The following UBTD1 variants were observed in gnomAD, a reference collection of about 807,000 sequenced individuals.
The protein encoded by UBTD1 is ubiquitin domain-containing protein 1.
A neutral mutation model predicts 21.7 loss-of-function variants in UBTD1; 19 were observed. The observed-to-expected ratio is 0.87, with a 90% CI of 0.61 to 1.28. UBTD1 has a LOEUF of 1.28. Among genes scored for constraint, UBTD1 ranks in the 50% most tolerant of loss-of-function variants. The pLI, the probability that UBTD1 is intolerant of heterozygous loss-of-function variation, is 0.00. For missense variants in UBTD1, 282 were observed against 315.1 expected (o/e 0.89, Z 0.80); for synonymous variants, 116 against 135.1 (o/e 0.86, Z 0.98).
intron 1 of UBTD1, among the ~76,000 whole-genome samples, chr10:97,515,382 A>G (rs1475561608): frequency 6.6e-6 from 1 of 152,180 alleles, no homozygotes; most frequent in East Asian, 1.9e-4. Flanking sequence ...GTTTTTCTTC[A>G]TTCAGCAAGT....
chr10:97,567,494 A>G (rs1023431198), intron 1 of UBTD1, among the ~76,000 whole-genome samples: 2 of 151,084 alleles, frequency 1.3e-5, no homozygotes, highest in African/African-American at 2.4e-5. Flanking sequence ...CCCCATCTCT[A>G]CTAAAAATAC....
In UBTD1 at chr10:97,499,255, C is replaced by A. The variant is rs1208299275; in HGVS notation, c.52C>A (p.His18Asn). ...CCGGGAGAGGCCGGCAGCCCCGGGA[C>A]ACCCCCGCAAGCGAGCAGGTAACGA... ...QRRERPAAPG[H>N]PRKRAGRNEP... Residue 18 changes from histidine (H) to asparagine (N), a missense_variant, in exon 1 of 3, where the codon CAC (histidine) becomes AAC (asparagine). By Grantham distance (68) the His-to-Asn change is moderately conservative. Transcript: ENST00000370664. 1 of 1,548,608 alleles carries A rather than the reference C, an allele frequency of 6.5e-7. No individual in the cohort carries two copies. Among genetic ancestry groups the A allele is most frequent in the South Asian group, 1.2e-5 (1 of 83,604 alleles).
chr10:97,558,413 T>C (rs2040675351), intron 1 of UBTD1, among the ~76,000 whole-genome samples: 1 of 152,208 alleles, frequency 6.6e-6, no homozygotes, highest in Admixed American at 6.5e-5. Flanking sequence ...TGCTTAAGAG[T>C]TAGCTTATCT....
chr10:97,538,304 C>T (rs1589876691), intron 1 of UBTD1, among the ~76,000 whole-genome samples: 1 of 151,838 alleles, frequency 6.6e-6, no homozygotes, highest in South Asian at 2.1e-4. Context: ...CCAACCTGGG[C>T]AACACAGTGA....
At chr10:97,509,944 C>A (rs1192591938) in intron 1 of UBTD1, among the ~76,000 whole-genome samples, 1 of 151,068 alleles carries the variant, frequency 6.6e-6, no homozygotes, top group African/African-American at 2.4e-5. Flanking sequence ...AGCCACCATG[C>A]CTGTGCCTGG....
chr10:97,516,521 A>G (rs1350348890), intron 1 of UBTD1, among the ~76,000 whole-genome samples: 1 of 151,404 alleles, frequency 6.6e-6, no homozygotes, highest in Non-Finnish European at 1.5e-5. Context: ...CATGCCTGTA[A>G]TCCCAGCACT....
intron 1 of UBTD1, among the ~76,000 whole-genome samples, chr10:97,564,297 A>G (rs770707937): frequency 6.6e-6 from 1 of 152,204 alleles, no homozygotes; most frequent in Non-Finnish European, 1.5e-5. Context: ...GCGTCCATAT[A>G]AAAGTTCAAA....
At chr10:97,518,038 C>T (rs1379024379) in intron 1 of UBTD1, among the ~76,000 whole-genome samples, 1 of 152,138 alleles carries the variant, frequency 6.6e-6, no homozygotes, top group Admixed American at 6.5e-5. Context: ...ATGGTGTTGG[C>T]CTCCTTGGCC....
At chr10:97,529,452 G>A (rs1421104028) in intron 1 of UBTD1, among the ~76,000 whole-genome samples, 33 of 151,742 alleles carry the variant, frequency 2.2e-4, no homozygotes, top group Non-Finnish European at 3.5e-4. Flanking sequence ...AGATCACGCC[G>A]CTGCACTCCA....
chr10:97,531,793 C>T (rs1261065643), intron 1 of UBTD1, among the ~76,000 whole-genome samples: 1 of 152,198 alleles, frequency 6.6e-6, no homozygotes, highest in Non-Finnish European at 1.5e-5. Flanking sequence ...AGTTCCTAGG[C>T]CCACAACAGT....
At chr10:97,543,076 C>T (rs2040593732) in intron 1 of UBTD1, among the ~76,000 whole-genome samples, 1 of 152,242 alleles carries the variant, frequency 6.6e-6, no homozygotes, top group Admixed American at 6.5e-5. Context: ...GATTGCCTCT[C>T]AAGAGCCTGC....
intron 1 of UBTD1, among the ~76,000 whole-genome samples, chr10:97,528,204 G>C (rs1435299192): frequency 1.2e-5 from 1 of 84,536 alleles, no homozygotes; most frequent in Non-Finnish European, 2.9e-5. Context: ...CCTGGACGGG[G>C]CGGCTGGCCG....
At chr10:97,514,014 TC>T (rs2040432982) in intron 1 of UBTD1, among the ~76,000 whole-genome samples, 1 of 146,314 alleles carries the variant, frequency 6.8e-6, no homozygotes. Context: ...TTTCTTTCTT[TC>T]TTTTTTTTTT....
chr10:97,537,453 C>T (rs941299249), intron 1 of UBTD1, among the ~76,000 whole-genome samples: 1 of 152,212 alleles, frequency 6.6e-6, no homozygotes, highest in African/African-American at 2.4e-5. Flanking sequence ...GACCTGTGCT[C>T]TTGCACCTGG....
At chr10:97,532,790 C>CAA (rs765080292) in intron 1 of UBTD1, among the ~76,000 whole-genome samples, 12 of 108,236 alleles carry the variant, frequency 1.1e-4, no homozygotes, top group African/African-American at 3.2e-4. Context: ...AACTGCATCT[C>CAA]AAAAAAAAAA....
At chr10:97,558,617 C>G (rs2040676321) in intron 1 of UBTD1, among the ~76,000 whole-genome samples, 2 of 151,936 alleles carry the variant, frequency 1.3e-5, no homozygotes, top group African/African-American at 4.8e-5. Flanking sequence ...AGTCAGGTAG[C>G]CTCAGGGCTG....
chr10:97,534,823 A>T (rs1479227971), intron 1 of UBTD1, among the ~76,000 whole-genome samples: 2 of 152,034 alleles, frequency 1.3e-5, no homozygotes, highest in African/African-American at 4.8e-5. Context: ...CCACCATCTG[A>T]CCCCTGGCAG....
rs570988809 is a variant in UBTD1 at position 97,512,417 on chromosome 10, A to T, written c.70+13144A>T. ...GCTCATTTAGGTCTGGCTCAGTGTG[A>T]TAGTCCTGCTGTTGCCTGGTCCATG... On this transcript the variant is annotated intron_variant, in intron 1 of 2. Transcript: ENST00000370664. Among the ~76,000 whole-genome samples the T allele has an allele frequency of 2.0e-5, 3 of 152,358 alleles. No homozygotes were observed. The East Asian group carries it at 5.8e-4, about 29-fold the overall frequency.
intron 1 of UBTD1, among the ~76,000 whole-genome samples, chr10:97,533,448 G>A (rs892026692): frequency 2.0e-5 from 3 of 152,220 alleles, no homozygotes; most frequent in African/African-American, 7.2e-5. Flanking sequence ...ACCATGGAAG[G>A]CCGCCTATAT....
Sources: gnomAD v4.1 joint callset for allele counts (sites outside exome capture counted in the v4.1 genomes callset) on GRCh38, gnomAD v4.1.1 for gene constraint, MANE v1.5 for transcripts, NCBI Gene and HGNC (gene_info 2026-07-23, HGNC 2026-07-21) for gene names.